Variants in PCDHA6 observed in about 807,000 individuals in gnomAD.
The protein encoded by PCDHA6 is protocadherin alpha-6.
A neutral mutation model predicts 60.3 loss-of-function variants in PCDHA6; 55 were observed. That is an observed-to-expected ratio of 0.91 (90% CI 0.73 to 1.14). PCDHA6 has a LOEUF of 1.14. Among genes scored for constraint, PCDHA6 ranks in the 50% most tolerant of loss-of-function variants. The pLI, the probability that PCDHA6 is intolerant of heterozygous loss-of-function variation, is 0.00. For synonymous variants in PCDHA6, 652 were observed against 557.9 expected, an observed-to-expected ratio of 1.17 and a Z score of -2.38; for missense variants, 1,327 against 1,256.5, an observed-to-expected ratio of 1.06 and a Z score of -0.85.
At chr5:140,836,797 C>A in intron 1 of PCDHA6, 1 of 1,343,980 alleles carries the variant, frequency 7.4e-7, no homozygotes, top group Admixed American at 2.4e-5. Flanking sequence ...AATTGGTCTC[C>A]TTAAATTTTC....
At chr5:141,004,013 G>C (rs1327248207) in intron 3 of PCDHA6, among the ~76,000 whole-genome samples, 4 of 152,124 alleles carry the variant, frequency 2.6e-5, no homozygotes, top group African/African-American at 9.7e-5. Context: ...AGGCAGCACT[G>C]AAAGAAGAAA....
chr5:140,853,428 C>A, intron 1 of PCDHA6: 1 of 985,626 alleles, frequency 1.0e-6, no homozygotes, highest in African/African-American at 1.8e-5. Flanking sequence ...AGAAGAGACA[C>A]TTTCCTATTT....
intron 3 of PCDHA6, among the ~76,000 whole-genome samples, chr5:140,996,819 C>T (rs1446677147): frequency 6.6e-6 from 1 of 152,142 alleles, no homozygotes; most frequent in East Asian, 1.9e-4. Context: ...CAAAAGTAAC[C>T]ACTACCAATA....
chr5:140,916,721 T>G (rs2077698319), intron 1 of PCDHA6, among the ~76,000 whole-genome samples: 1 of 152,186 alleles, frequency 6.6e-6, no homozygotes, highest in Non-Finnish European at 1.5e-5. Context: ...AAGGAGTGAC[T>G]TTTGTTGCTG....
chr5:140,871,492 C>G (rs782396000), intron 1 of PCDHA6: 1 of 1,589,508 alleles, frequency 6.3e-7, no homozygotes, highest in Admixed American at 1.8e-5. Context: ...TCACCCCGGA[C>G]AGGTGAGTTT....
At chr5:140,968,480 A>G in intron 1 of PCDHA6, 1 of 1,614,140 alleles carries the variant, frequency 6.2e-7, no homozygotes. Flanking sequence ...TGTGGTGGAC[A>G]TGAATGACCA....
chr5:140,955,557 C>T (rs1281978824), intron 1 of PCDHA6, among the ~76,000 whole-genome samples: 1 of 152,114 alleles, frequency 6.6e-6, no homozygotes, highest in East Asian at 1.9e-4. Flanking sequence ...GCCTCCCCAG[C>T]CATACTGAAC....
At chr5:140,868,631 TTCTC>T (rs1180172037) in intron 1 of PCDHA6, 2 of 154,616 alleles carry the variant, frequency 1.3e-5, no homozygotes, top group African/African-American at 4.8e-5. Flanking sequence ...TGAATTCTCT[TTCTC>T]TCTCACTCTG....
intron 1 of PCDHA6, chr5:140,882,120 CT>C (rs2058961361): frequency 6.9e-7 from 1 of 1,449,002 alleles, no homozygotes; most frequent in East Asian, 2.3e-5. Flanking sequence ...GCCGCCGTTT[CT>C]TTCTTCCTGC....
In PCDHA6 at chr5:140,926,166, C is replaced by G. The variant is rs116217295; in HGVS notation, c.2395-52783C>G. 1.9e-3 allele frequency among the ~76,000 whole-genome samples: 292 copies of G among 151,864 alleles called. 1 individual carries two copies. The highest frequency in any genetic ancestry group is 6.7e-3 in the African/African-American group (280 of 41,552). ...AGCGCGGAAAGCTCTGCAGCAGGAT[C>G]CAGCGCGGAAAGCCCCCCGCAGCAC... On this transcript the variant is annotated intron_variant, in intron 1 of 3. Coordinates refer to ENST00000529310, the MANE Select transcript of PCDHA6 (RefSeq NM_018909.4).
intron 1 of PCDHA6, among the ~76,000 whole-genome samples, chr5:140,921,145 T>G (rs2080047732): frequency 4.1e-5 from 1 of 24,298 alleles, no homozygotes; most frequent in Admixed American, 5.4e-4. Flanking sequence ...TACACCCAGC[T>G]AATGCATTTT....
At position 141,010,234 on chromosome 5, in the gene PCDHA6, T is replaced by C. The variant is rs1455330920; in HGVS notation, c.*297T>C. 1 of 1,551,824 alleles carries C rather than the reference T, an allele frequency of 6.4e-7. No individual in the cohort carries two copies. Among genetic ancestry groups the C allele is most frequent in the Non-Finnish European group, 8.7e-7 (1 of 1,147,042 alleles). On this transcript the variant is annotated 3_prime_UTR_variant, in exon 4 of 4. Transcript: ENST00000529310. ...AGGAGAGGCTTCCCAGCCCCGCCAG[T>C]GAGAGGTTGGACTCTCTGCCCTGTG...
chr5:140,837,523 T>G (rs1775100881), intron 1 of PCDHA6, among the ~76,000 whole-genome samples: 1 of 151,982 alleles, frequency 6.6e-6, no homozygotes. Flanking sequence ...TTACTTTTTT[T>G]GTATATTCCC....
Position 140,828,569 on chromosome 5 carries a change from G to C in PCDHA6, c.478G>C (p.Ala160Pro). Reference protein sequence around the residue: ...SVFPLEGASDADVGSNSILTY... With the variant: ...SVFPLEGASDPDVGSNSILTY... ...GTTTCCACTGGAGGGCGCGTCCGATGCAGATGTTGGCTCAAATTCCATCTT... is the reference window on the plus strand; with the variant it reads ...GTTTCCACTGGAGGGCGCGTCCGATCCAGATGTTGGCTCAAATTCCATCTT... Residue 160 changes from alanine (A) to proline (P), a missense_variant, in exon 1 of 4, where the codon GCA becomes CCA. By Grantham distance (27) the Ala-to-Pro change is conservative. Transcript: ENST00000529310. 6.2e-7 allele frequency: 1 copy of C among 1,614,252 alleles called. No individual in the cohort carries two copies. Among genetic ancestry groups the C allele is most frequent in the Non-Finnish European group, 8.5e-7 (1 of 1,180,040 alleles).
At chr5:140,862,916 G>T (rs1581662111) in intron 1 of PCDHA6, 1 of 547,888 alleles carries the variant, frequency 1.8e-6, no homozygotes, top group Non-Finnish European at 3.5e-6. Context: ...CTGGCGCCTT[G>T]GGTGGGCTGG....
At chr5:140,967,268 C>T in intron 1 of PCDHA6, 1 of 1,613,522 alleles carries the variant, frequency 6.2e-7, no homozygotes, top group Non-Finnish European at 8.5e-7. Context: ...AGCGCGCTTT[C>T]ACATAGAGAG....
chr5:140,870,352 G>C, intron 1 of PCDHA6: 8 of 1,614,226 alleles, frequency 5.0e-6, no homozygotes, highest in Non-Finnish European at 5.9e-6. Context: ...CCGCGAGAAC[G>C]TGTGGGCCTA....
chr5:140,869,964 T>A (rs546576795), intron 1 of PCDHA6: 1 of 1,613,046 alleles, frequency 6.2e-7, no homozygotes, highest in African/African-American at 1.3e-5. Context: ...TTAAGCCCAA[T>A]GGAAGACACT....
intron 1 of PCDHA6, among the ~76,000 whole-genome samples, chr5:140,922,177 A>C (rs1194396252): frequency 2.9e-5 from 2 of 69,034 alleles, no homozygotes; most frequent in African/African-American, 9.2e-5. Context: ...TACAGCAGAC[A>C]AAAAAAAAGT....
Sources: allele counts gnomAD v4.1 joint callset (sites outside exome capture counted in the v4.1 genomes callset), GRCh38; gene constraint gnomAD v4.1.1; transcripts MANE v1.5; gene names NCBI Gene and HGNC (gene_info 2026-07-23, HGNC 2026-07-21).